Variants in ROBO2 observed in about 807,000 individuals in gnomAD.
ROBO2 encodes roundabout guidance receptor 2, also known as roundabout homolog 2.
A neutral mutation model predicts 160.8 loss-of-function variants in ROBO2; 53 were observed. The ratio of observed to expected loss-of-function variants is 0.33; its 90% CI spans 0.26 to 0.41. ROBO2 has a LOEUF of 0.41. Ranked by LOEUF, ROBO2 falls within the 10% of genes least tolerant of loss-of-function variation. The pLI, the probability that ROBO2 is intolerant of heterozygous loss-of-function variation, is 1.00. For synonymous variants in ROBO2, 664 were observed against 611.7 expected (o/e 1.09, Z -1.26); for missense variants, 1,577 against 1,722.4 (o/e 0.92, Z 1.49).
intron 2 of ROBO2, among the ~76,000 whole-genome samples, chr3:77,201,809 T>C (rs1162589351): frequency 6.6e-6 from 1 of 152,146 alleles, no homozygotes; most frequent in African/African-American, 2.4e-5. Flanking sequence ...CACAAAAAAC[T>C]AGACTTGTAT....
At chr3:77,531,549 A>C (rs74506149) in intron 6 of ROBO2, among the ~76,000 whole-genome samples, 17,661 of 146,994 alleles carry the variant, frequency 0.12, 1,483 homozygotes, top group Admixed American at 0.24. Context: ...AAAAAAAAAA[A>C]TGGTTTGTGA....
chr3:76,948,908 ATTTTT>A (rs1157110855), intron 2 of ROBO2, among the ~76,000 whole-genome samples: 53 of 24,932 alleles, frequency 2.1e-3, no homozygotes, highest in South Asian at 3.0e-3. Context: ...ATATATATAT[ATTTTT>A]TTTTTTTTTT....
chr3:76,340,961 T>A (rs1181856009), intron 2 of ROBO2, among the ~76,000 whole-genome samples: 1 of 152,136 alleles, frequency 6.6e-6, no homozygotes, highest in Non-Finnish European at 1.5e-5. Context: ...AAAAATGTAA[T>A]GAATTTATCT....
intron 2 of ROBO2, among the ~76,000 whole-genome samples, chr3:76,898,274 T>C (rs1559671368): frequency 1.3e-5 from 2 of 152,108 alleles, no homozygotes; most frequent in African/African-American, 2.4e-5. Flanking sequence ...GCCTTTATAA[T>C]TGTAGTACAG....
At chr3:76,851,764 A>AATATATATATATATATAT (rs1553659596) in intron 2 of ROBO2, among the ~76,000 whole-genome samples, 42 of 136,936 alleles carry the variant, frequency 3.1e-4, no homozygotes, top group African/African-American at 1.1e-3. Flanking sequence ...AAAAAAAAAA[A>AATATATATATATATATAT]ATATTAACAT....
chr3:77,235,232 T>C (rs1454200496), intron 2 of ROBO2, among the ~76,000 whole-genome samples: 3 of 152,182 alleles, frequency 2.0e-5, no homozygotes, highest in Non-Finnish European at 4.4e-5. Context: ...TGACTAATCA[T>C]GAAAGGCTGA....
intron 2 of ROBO2, among the ~76,000 whole-genome samples, chr3:76,394,816 A>T (rs1371440860): frequency 6.6e-6 from 1 of 152,156 alleles, no homozygotes; most frequent in East Asian, 1.9e-4. Flanking sequence ...GAGGACCCAG[A>T]TTCATAAAGC....
At position 76,241,642 on chromosome 3, in the gene ROBO2, G is replaced by C. The variant is rs555437628; in HGVS notation, c.109+304040G>C. Among the ~76,000 whole-genome samples, 5 of 152,264 alleles carry C rather than the reference G, an allele frequency of 3.3e-5. 1 individual carries two copies. The South Asian group carries it at 6.2e-4, about 19-fold the overall frequency. On this transcript the variant is annotated intron_variant, in intron 2 of 26. Transcript: ENST00000487694. Reference sequence around the variant, plus strand: ...ATCCAAAGATGAAAAATATGTTTCTGCACAAAATGCTCAAATATATTCCTG... The same window carrying C: ...ATCCAAAGATGAAAAATATGTTTCTCCACAAAATGCTCAAATATATTCCTG...
intron 6 of ROBO2, among the ~76,000 whole-genome samples, chr3:77,530,436 C>T (rs780550638): frequency 6.6e-5 from 10 of 151,866 alleles, no homozygotes; most frequent in Admixed American, 1.3e-4. Flanking sequence ...GACTCTTGTG[C>T]GATGCATTTG....
intron 2 of ROBO2, among the ~76,000 whole-genome samples, chr3:77,270,070 CTA>C (rs1350571177): frequency 2.0e-5 from 3 of 152,158 alleles, no homozygotes; most frequent in Non-Finnish European, 4.4e-5. Context: ...TTCATTTACT[CTA>C]TGTTTCATAT....
intron 2 of ROBO2, among the ~76,000 whole-genome samples, chr3:76,983,962 C>A (rs964185441): frequency 5.3e-5 from 8 of 152,194 alleles, no homozygotes; most frequent in African/African-American, 1.7e-4. Flanking sequence ...ACTTAACAAT[C>A]ATGGCAGAAT....
chr3:76,658,575 G>A (rs927862562), intron 2 of ROBO2, among the ~76,000 whole-genome samples: 2 of 152,136 alleles, frequency 1.3e-5, no homozygotes, highest in African/African-American at 4.8e-5. Context: ...TTATCAGTGA[G>A]AACATGCAGT....
At chr3:77,028,678 CA>C (rs1356887462) in intron 2 of ROBO2, among the ~76,000 whole-genome samples, 3 of 152,100 alleles carry the variant, frequency 2.0e-5, no homozygotes, top group African/African-American at 7.2e-5. Context: ...AAGATCGCGT[CA>C]CTGTACTCCA....
chr3:77,582,635 A>G (rs1387320368), intron 16 of ROBO2, among the ~76,000 whole-genome samples: 1 of 151,942 alleles, frequency 6.6e-6, no homozygotes, highest in Non-Finnish European at 1.5e-5. Context: ...CTAGGATTTG[A>G]CTATAAGTAT....
At chr3:76,477,469 A>C (rs142206946) in intron 2 of ROBO2, among the ~76,000 whole-genome samples, 19 of 152,286 alleles carry the variant, frequency 1.2e-4, no homozygotes, top group South Asian at 1.2e-3. Context: ...CAAGTTTTAC[A>C]ACAAAATACA....
intron 2 of ROBO2, among the ~76,000 whole-genome samples, chr3:77,377,203 G>A (rs1482454093): frequency 6.6e-6 from 1 of 152,016 alleles, no homozygotes; most frequent in East Asian, 1.9e-4. Context: ...AAATTCAAAA[G>A]TATAAAGGAA....
intron 2 of ROBO2, among the ~76,000 whole-genome samples, chr3:76,717,363 G>A (rs1290376501): frequency 6.6e-6 from 1 of 151,960 alleles, no homozygotes; most frequent in Non-Finnish European, 1.5e-5. Flanking sequence ...ATGGTGGCAG[G>A]CACTTGTAAT....
intron 2 of ROBO2, among the ~76,000 whole-genome samples, chr3:76,424,846 C>T (rs2076146349): frequency 6.6e-6 from 1 of 152,094 alleles, no homozygotes; most frequent in South Asian, 2.1e-4. Context: ...ATAAAGTGAT[C>T]AACATATTTA....
At chr3:77,090,537 G>A (rs1235438347) in intron 1 of ROBO2, among the ~76,000 whole-genome samples, 3 of 151,328 alleles carry the variant, frequency 2.0e-5, no homozygotes, top group Non-Finnish European at 2.9e-5. Flanking sequence ...TGTATTTTTA[G>A]TAGAGACAAG....
Sources: gnomAD v4.1 joint callset for allele counts (sites outside exome capture counted in the v4.1 genomes callset) on GRCh38, gnomAD v4.1.1 for gene constraint, MANE v1.5 for transcripts, NCBI Gene and HGNC (gene_info 2026-07-23, HGNC 2026-07-21) for gene names.